Variants in ACACA observed in about 807,000 individuals in gnomAD.
ACACA encodes acetyl-CoA carboxylase alpha, also known as acetyl-CoA carboxylase 1.
A neutral mutation model predicts 296.1 loss-of-function variants in ACACA; 103 were observed. The observed-to-expected ratio is 0.35, with a 90% CI of 0.30 to 0.41. The LOEUF is 0.41. Ranked by LOEUF, ACACA falls within the 10% of genes least tolerant of loss-of-function variation. The pLI is 1.00. For missense variants in ACACA, 1,554 were observed against 2,989.7 expected (o/e 0.52, Z 11.20); for synonymous variants, 953 against 1,038.6 (o/e 0.92, Z 1.58).
chr17:37,396,911 A>G (rs1199278086), intron 1 of ACACA, among the ~76,000 whole-genome samples: 1 of 152,072 alleles, frequency 6.6e-6, no homozygotes, highest in Non-Finnish European at 1.5e-5. Context: ...ATTATACTTT[A>G]AATTCTAGGG....
chr17:37,281,163 C>T (rs975771238), intron 5 of ACACA, among the ~76,000 whole-genome samples: 5 of 151,194 alleles, frequency 3.3e-5, no homozygotes, highest in Non-Finnish European at 7.4e-5. Context: ...TGGGTTCATG[C>T]GATTCTCCTG....
intron 1 of ACACA, among the ~76,000 whole-genome samples, chr17:37,357,949 T>C (rs1486972280): frequency 1.3e-5 from 2 of 151,888 alleles, no homozygotes; most frequent in African/African-American, 4.8e-5. Flanking sequence ...AAAAAATGAA[T>C]GGAAAGAGAG....
At chr17:37,145,069 T>C (rs2075756652) in intron 45 of ACACA, among the ~76,000 whole-genome samples, 1 of 152,158 alleles carries the variant, frequency 6.6e-6, no homozygotes, top group South Asian at 2.1e-4. Context: ...TTTACAATAC[T>C]AGCTCTTCCC....
rs369505875 is a variant in ACACA, at chr17:37,103,137, C to T, written c.6566-5153G>A. Among the ~76,000 whole-genome samples, 19 of 152,194 alleles carry T rather than the reference C, an allele frequency of 1.2e-4. No individual in the cohort carries two copies. The East Asian group carries it at 1.9e-3, about 15-fold the overall frequency. On this transcript the variant is annotated intron_variant, in intron 52 of 55. Coordinates refer to ENST00000616317, the MANE Select transcript of ACACA (RefSeq NM_198834.3). ...GCCAGTTATATCATGTGTTGCACAC[C>T]GAGGGCCCCTCTCTCCTTGTACAGC...
intron 2 of ACACA, among the ~76,000 whole-genome samples, chr17:37,337,743 G>A (rs1173912430): frequency 6.6e-6 from 1 of 151,978 alleles, no homozygotes; most frequent in Non-Finnish European, 1.5e-5. Flanking sequence ...GTGAGCCACT[G>A]AGCCCAGCCT....
intron 1 of ACACA, among the ~76,000 whole-genome samples, chr17:37,366,738 AT>A (rs2049619778): frequency 6.6e-6 from 1 of 151,822 alleles, no homozygotes; most frequent in Non-Finnish European, 1.5e-5. Context: ...AAGTGCTGGG[AT>A]TACACACGTG....
At chr17:37,376,149 A>G (rs775347770) in intron 1 of ACACA, 1 of 1,609,618 alleles carries the variant, frequency 6.2e-7, no homozygotes, top group Non-Finnish European at 8.5e-7. Flanking sequence ...CCAACAAGAA[A>G]GGTATGTAAT....
At chr17:37,110,405 T>C (rs558929143) in intron 52 of ACACA, among the ~76,000 whole-genome samples, 5 of 152,346 alleles carry the variant, frequency 3.3e-5, no homozygotes, top group East Asian at 3.9e-4. Flanking sequence ...TGGGTGGCAA[T>C]AGATTTTAGA....
At chr17:37,120,981 A>G (rs1440948219) in intron 50 of ACACA, among the ~76,000 whole-genome samples, 1 of 152,192 alleles carries the variant, frequency 6.6e-6, no homozygotes, top group Non-Finnish European at 1.5e-5. Context: ...TAATTTCAGT[A>G]TCTGTCTTGG....
chr17:37,316,999 G>A (rs1567986009), intron 3 of ACACA, among the ~76,000 whole-genome samples: 2 of 151,800 alleles, frequency 1.3e-5, no homozygotes, highest in Middle Eastern at 3.4e-3. Context: ...CTTGAGCCCA[G>A]GGAGGTTGAA....
At chr17:37,208,708 A>T (rs987136678) in intron 30 of ACACA, among the ~76,000 whole-genome samples, 2 of 152,210 alleles carry the variant, frequency 1.3e-5, no homozygotes, top group African/African-American at 4.8e-5. Flanking sequence ...GATGTACCTT[A>T]ACAGTATGTA....
rs1243139329 is a variant in ACACA, at chr17:37,248,161, AGG to A, written c.2164-7_2164-6del. 2 of 1,613,988 alleles carry A rather than the reference AGG, an allele frequency of 1.2e-6. No homozygotes were observed. Among genetic ancestry groups the A allele is most frequent in the African/African-American group, 2.7e-5 (2 of 74,948 alleles). On this transcript the variant is annotated splice_polypyrimidine_tract_variant and splice_region_variant and intron_variant, in intron 17 of 55. Transcript: ENST00000616317. ...GTTGGGGGACTGTCGAGTCACCTGT[AGG>A]GAATGAGAATGAGGATCAGTGTGTC...
chr17:37,381,740 G>T (rs1233266245), intron 1 of ACACA, among the ~76,000 whole-genome samples: 15 of 148,728 alleles, frequency 1.0e-4, no homozygotes, highest in Non-Finnish European at 8.9e-5. Context: ...CCATTCTCCT[G>T]CCTCAGCCTC....
chr17:37,221,775 T>C lies in ACACA; in HGVS notation c.3632A>G (p.Asn1211Ser). 1 of 1,614,212 alleles carries C rather than the reference T, an allele frequency of 6.2e-7. No individual in the cohort carries two copies. The highest frequency in any genetic ancestry group is 8.5e-7 in the Non-Finnish European group (1 of 1,180,014). Residue 1211 changes from asparagine (N) to serine (S), a missense_variant, in exon 29 of 56, where the codon AAC (asparagine) becomes AGC (serine). Transcript: ENST00000616317. Reference sequence around the variant, plus strand: ...GAACTGGAATTCCACCACACAGGTGTTGTCCTTAAGCTGGCGGTGTTGTAC... The same window carrying C: ...GAACTGGAATTCCACCACACAGGTGCTGTCCTTAAGCTGGCGGTGTTGTAC... ...NSVQHRQLKD[N>S]TCVVEFQFML...
At chr17:37,319,691 G>A (rs1009312159) in intron 3 of ACACA, among the ~76,000 whole-genome samples, 8 of 151,852 alleles carry the variant, frequency 5.3e-5, no homozygotes, top group Non-Finnish European at 1.0e-4. Flanking sequence ...TGTGGCTCAC[G>A]CCTGTAATCC....
intron 2 of ACACA, among the ~76,000 whole-genome samples, chr17:37,337,878 A>C (rs570531119): frequency 3.9e-4 from 60 of 152,200 alleles, no homozygotes; most frequent in African/African-American, 1.4e-3. Flanking sequence ...TAGGTGGATC[A>C]CAAGGTCAGG....
intron 25 of ACACA, among the ~76,000 whole-genome samples, chr17:37,229,515 G>C (rs2145776495): frequency 6.6e-6 from 1 of 151,892 alleles, no homozygotes; most frequent in Middle Eastern, 3.4e-3. Context: ...GTGTTAACCA[G>C]GATGGTATCG....
chr17:37,190,333 A>G (rs1217673112), intron 38 of ACACA, among the ~76,000 whole-genome samples: 1 of 152,016 alleles, frequency 6.6e-6, no homozygotes, highest in African/African-American at 2.4e-5. Context: ...GGGAGGCTGA[A>G]GCATGACAGT....
At chr17:37,293,429 AT>A (rs1371796381) in intron 3 of ACACA, among the ~76,000 whole-genome samples, 1 of 152,158 alleles carries the variant, frequency 6.6e-6, no homozygotes, top group Non-Finnish European at 1.5e-5. Flanking sequence ...TAAAAGCATT[AT>A]AGATAAGAAC....
Sources: allele counts gnomAD v4.1 joint callset (sites outside exome capture counted in the v4.1 genomes callset), GRCh38; gene constraint gnomAD v4.1.1; transcripts MANE v1.5; gene names NCBI Gene and HGNC (gene_info 2026-07-23, HGNC 2026-07-21).